Variants in SORCS3 observed in about 807,000 individuals in gnomAD.
SORCS3 encodes the protein VPS10 domain-containing receptor SorCS3.
Under a neutral mutation model 146.3 loss-of-function variants are expected in SORCS3, and 57 were observed. The ratio of observed to expected loss-of-function variants is 0.39; its 90% confidence interval spans 0.31 to 0.49. The LOEUF is 0.49. Ranked by LOEUF, SORCS3 falls within the 20% of genes least tolerant of loss-of-function variation. SORCS3 has a pLI of 0.92. For synonymous variants in SORCS3, 653 were observed against 618.5 expected (o/e 1.06, Z -0.83); for missense variants, 1,341 against 1,575.5 (o/e 0.85, Z 2.52).
intron 1 of SORCS3, among the ~76,000 whole-genome samples, chr10:104,757,148 G>A (rs1353660191): frequency 1.4e-5 from 2 of 147,634 alleles, no homozygotes; most frequent in African/African-American, 2.5e-5. Context: ...GTCTGCCAGA[G>A]GCCCCCTGAC....
At chr10:105,006,987 A>G (rs890633013) in intron 4 of SORCS3, among the ~76,000 whole-genome samples, 3 of 152,214 alleles carry the variant, frequency 2.0e-5, no homozygotes, top group Non-Finnish European at 4.4e-5. Flanking sequence ...CCCAGGCTGC[A>G]TAGGATGGGT....
At chr10:105,063,959 C>T (rs1450211261) in intron 5 of SORCS3, among the ~76,000 whole-genome samples, 1 of 152,218 alleles carries the variant, frequency 6.6e-6, no homozygotes, top group East Asian at 1.9e-4. Context: ...ATGGTAGCAG[C>T]TCTGAGCATG....
Position 105,053,006 on chromosome 10 carries a change from G to A in SORCS3, c.1028+9878G>A, listed in dbSNP as rs79497009. Among the ~76,000 whole-genome samples the A allele has an allele frequency of 8.7e-3, 1,325 of 152,174 alleles. 10 individuals are homozygous for A. The highest frequency in any genetic ancestry group is 0.012 in the Non-Finnish European group (843 of 68,000). On this transcript the variant is annotated intron_variant, in intron 5 of 26. Coordinates refer to ENST00000369701, the MANE Select transcript of SORCS3 (RefSeq NM_014978.3). ...GCAGTTCTGGAATCTGGAAGTGTGCGATCAGGGTGCCAGCATGGTTGGTTT... is the reference window on the plus strand; with the variant it reads ...GCAGTTCTGGAATCTGGAAGTGTGCAATCAGGGTGCCAGCATGGTTGGTTT...
intron 5 of SORCS3, among the ~76,000 whole-genome samples, chr10:105,073,780 C>G (rs903246852): frequency 6.6e-6 from 1 of 152,058 alleles, no homozygotes; most frequent in African/African-American, 2.4e-5. Context: ...AAGAATTACT[C>G]GTGTCACAGT....
At chr10:105,031,750 T>G (rs1196158563) in intron 4 of SORCS3, among the ~76,000 whole-genome samples, 2 of 152,244 alleles carry the variant, frequency 1.3e-5, no homozygotes, top group African/African-American at 4.8e-5. Context: ...AATGTCTCAT[T>G]GTCCTCCCAA....
At chr10:104,909,721 G>A (rs1485696698) in intron 2 of SORCS3, among the ~76,000 whole-genome samples, 3 of 152,018 alleles carry the variant, frequency 2.0e-5, no homozygotes, top group Non-Finnish European at 4.4e-5. Context: ...ATTAGGACAG[G>A]GAGGTTGAGC....
At chr10:104,964,299 A>C (rs544492055) in intron 3 of SORCS3, among the ~76,000 whole-genome samples, 1 of 152,204 alleles carries the variant, frequency 6.6e-6, no homozygotes, top group South Asian at 2.1e-4. Flanking sequence ...GTTCCAGCCT[A>C]CTGGGCTCCT....
At chr10:104,949,013 A>C (rs2019401050) in intron 3 of SORCS3, among the ~76,000 whole-genome samples, 1 of 152,184 alleles carries the variant, frequency 6.6e-6, no homozygotes, top group Non-Finnish European at 1.5e-5. Context: ...TGTAGAAAAC[A>C]TGCTTTGATT....
rs577164960 is a variant in SORCS3, at chr10:104,960,042, A to G, written c.796-17293A>G. Among the ~76,000 whole-genome samples, 10 of 152,198 alleles carry G rather than the reference A, an allele frequency of 6.6e-5. No homozygotes were observed. The South Asian group carries it at 2.1e-3, about 32-fold the overall frequency. On this transcript the variant is annotated intron_variant, in intron 3 of 26. Transcript: ENST00000369701. ...AGCAAGTTGCCCTTGTTCTGCGTTG[A>G]TCACATCTAGCATTTAGATGTTTGA...
At chr10:104,944,196 T>TA (rs1430580971) in intron 3 of SORCS3, among the ~76,000 whole-genome samples, 1 of 152,200 alleles carries the variant, frequency 6.6e-6, no homozygotes, top group Non-Finnish European at 1.5e-5. Context: ...TGACTCCTCT[T>TA]ACTTCGACAA....
Position 105,105,494 on chromosome 10 carries a change from G to A in SORCS3, c.1191G>A (p.Gln397=). 6.2e-7 allele frequency: 1 copy of A among 1,612,390 alleles called. No individual in the cohort carries two copies. Among genetic ancestry groups the A allele is most frequent in the South Asian group, 1.1e-5 (1 of 91,044 alleles). Residue 397 remains glutamine, a synonymous_variant, in exon 7 of 27, where the codon CAG becomes CAA. Transcript: ENST00000369701. The part of the protein sequence containing the change: ...RSIDISSLVV[Q]DEYIFIQVTT... ...TTGACATCAGTTCCCTGGTTGTCCAGGATGAATATATCTTCATTCAGGTGA... is the reference window on the plus strand; with the variant it reads ...TTGACATCAGTTCCCTGGTTGTCCAAGATGAATATATCTTCATTCAGGTGA...
At chr10:105,089,965 C>T (rs1589627214) in intron 6 of SORCS3, 126 bp downstream of exon 6, 3 of 710,324 alleles carry the variant, frequency 4.2e-6, no homozygotes, top group East Asian at 5.5e-5. Flanking sequence ...CCACATCCAT[C>T]CTTAATTCCC....
chr10:104,641,971 C>G lies in SORCS3; in HGVS notation c.627+17C>G. 8.4e-7 allele frequency: 1 copy of G among 1,195,186 alleles called. No homozygotes were observed. The highest frequency in any genetic ancestry group is 7.3e-5 in the East Asian group (1 of 13,792). 74.0% of individuals were successfully genotyped at this position (1,195,186 alleles called of 1,614,324 possible). A position where few individuals can be genotyped will look rare whatever the true frequency, so the allele number is the denominator to read the frequency against. ...AACAGCAGCGTGAGTACCCACCCGGCGGCGGGTCCGCCTGTTTCCTGACAC... is the reference window on the plus strand; with the variant it reads ...AACAGCAGCGTGAGTACCCACCCGGGGGCGGGTCCGCCTGTTTCCTGACAC... On this transcript the variant is annotated intron_variant, in intron 1 of 26. Transcript: ENST00000369701. The surrounding 1 kb of genome is among the most constrained non-coding windows in gnomAD (Gnocchi z 6.4).
chr10:105,008,026 C>G (rs987348352), intron 4 of SORCS3, among the ~76,000 whole-genome samples: 8 of 152,108 alleles, frequency 5.3e-5, no homozygotes, highest in African/African-American at 1.9e-4. Context: ...GAAGCAAGAA[C>G]AAAGAAATTG....
chr10:105,262,813 T>C (rs2056969922), intron 26 of SORCS3, among the ~76,000 whole-genome samples: 1 of 152,246 alleles, frequency 6.6e-6, no homozygotes, highest in Non-Finnish European at 1.5e-5. Context: ...TACATGAATG[T>C]GGAATCTGGC....
intron 20 of SORCS3, among the ~76,000 whole-genome samples, chr10:105,226,670 T>C (rs1379136847): frequency 6.6e-6 from 1 of 152,032 alleles, no homozygotes; most frequent in Non-Finnish European, 1.5e-5. Flanking sequence ...AATTCAGCAG[T>C]GAAGCCATCT....
intron 1 of SORCS3, among the ~76,000 whole-genome samples, chr10:104,731,680 CT>C (rs1680572074): frequency 6.6e-6 from 1 of 152,212 alleles, no homozygotes; most frequent in Non-Finnish European, 1.5e-5. Context: ...ATCAACCCTG[CT>C]CCATGGAGCT....
At chr10:105,199,913 C>A (rs2119612989) in intron 14 of SORCS3, 86 bp from the exon 15 acceptor site, 1 of 956,858 alleles carries the variant, frequency 1.0e-6, no homozygotes, top group East Asian at 2.5e-5. Flanking sequence ...CAGTGAATCT[C>A]TATCTCCTTC....
intron 20 of SORCS3, among the ~76,000 whole-genome samples, chr10:105,242,334 T>A (rs1318244790): frequency 7.8e-6 from 1 of 128,498 alleles, no homozygotes; most frequent in Non-Finnish European, 1.6e-5. Context: ...ATACATATAT[T>A]TATATATATA....
Sources: allele counts gnomAD v4.1 joint callset (sites outside exome capture counted in the v4.1 genomes callset), GRCh38; gene constraint gnomAD v4.1.1; non-coding constraint Gnocchi (gnomAD v3.1); transcripts MANE v1.5; gene names NCBI Gene and HGNC (gene_info 2026-07-23, HGNC 2026-07-21).